Variants in SGCD observed in about 807,000 individuals in gnomAD.
SGCD encodes delta-sarcoglycan.
SGCD carries 18 observed loss-of-function variants against 36.6 expected under a neutral mutation model. The ratio of observed to expected loss-of-function variants is 0.49; its 90% CI spans 0.34 to 0.73. The LOEUF is 0.73. Ranked by LOEUF, SGCD falls within the 30% of genes least tolerant of loss-of-function variation. The pLI, the probability that SGCD is intolerant of heterozygous loss-of-function variation, is 0.01. For synonymous variants in SGCD, 133 were observed against 130.6 expected (o/e 1.02, Z -0.12); for missense variants, 387 against 346.7 (o/e 1.12, Z -0.92).
At chr5:156,498,269 A>AAAAC (rs1485522850) in intron 3 of SGCD, among the ~76,000 whole-genome samples, 1 of 152,018 alleles carries the variant, frequency 6.6e-6, no homozygotes, top group African/African-American at 2.4e-5. Context: ...TTACAAAAAA[A>AAAAC]AAAAAAAAAC....
At chr5:156,648,337 T>C (rs1256679034) in intron 7 of SGCD, among the ~76,000 whole-genome samples, 1 of 151,664 alleles carries the variant, frequency 6.6e-6, no homozygotes, top group Non-Finnish European at 1.5e-5. Context: ...ACTGAATAAC[T>C]GTTTCATGAT....
intron 3 of SGCD, among the ~76,000 whole-genome samples, chr5:156,442,441 A>G (rs963423255): frequency 1.3e-5 from 2 of 152,216 alleles, no homozygotes; most frequent in Non-Finnish European, 2.9e-5. Flanking sequence ...TGTAGAGTTA[A>G]AAAATTCTGT....
Position 156,728,321 on chromosome 5 carries a change from T to A in SGCD, c.576-29260T>A, listed in dbSNP as rs577181893. Among the ~76,000 whole-genome samples, 3 of 152,116 alleles carry A rather than the reference T, an allele frequency of 2.0e-5. No homozygotes were observed. In the East Asian group the frequency reaches 5.8e-4, roughly 29 times the overall value. On this transcript the variant is annotated intron_variant, in intron 7 of 8. Transcript: ENST00000337851. ...AGTTACTGCATGAGGTAGAGCAACCTGGCCAACATGGCAAAATCCCGTCTC... is the reference window on the plus strand; with the variant it reads ...AGTTACTGCATGAGGTAGAGCAACCAGGCCAACATGGCAAAATCCCGTCTC...
chr5:155,739,429 T>C, the SGCD span, among the ~76,000 whole-genome samples: 6 of 152,314 alleles, frequency 3.9e-5, no homozygotes, highest in East Asian at 1.2e-3. Context: ...AGGGGAGGGC[T>C]GTTGATTCCT....
intron 1 of SGCD, among the ~76,000 whole-genome samples, chr5:155,875,483 T>G (rs956444864): frequency 2.0e-5 from 3 of 152,152 alleles, no homozygotes; most frequent in African/African-American, 7.2e-5. Context: ...TTTGGGGAAC[T>G]TACATCAAAC....
chr5:156,061,958 T>A (rs558715195), intron 1 of SGCD, among the ~76,000 whole-genome samples: 1 of 107,274 alleles, frequency 9.3e-6, no homozygotes, highest in East Asian at 2.1e-4. Context: ...ATACTCTAAG[T>A]TTTAGGGTAC....
At chr5:156,290,395 C>A (rs1254252220) in intron 3 of SGCD, among the ~76,000 whole-genome samples, 1 of 152,064 alleles carries the variant, frequency 6.6e-6, no homozygotes, top group Non-Finnish European at 1.5e-5. Flanking sequence ...TCCCTAGTAT[C>A]TTTTTCAAGA....
intron 1 of SGCD, among the ~76,000 whole-genome samples, chr5:156,081,455 C>T (rs138975074): frequency 3.7e-3 from 563 of 152,210 alleles, no homozygotes; most frequent in Admixed American, 5.2e-3. Flanking sequence ...TGCAGTGGCA[C>T]GATCATAGTT....
intron 5 of SGCD, among the ~76,000 whole-genome samples, chr5:156,594,547 T>A (rs562965640): frequency 1.3e-5 from 2 of 152,290 alleles, no homozygotes; most frequent in East Asian, 3.9e-4. Context: ...GCCAAAGATA[T>A]GTGATTGTCT....
chr5:156,567,628 G>T (rs1759549275), intron 4 of SGCD, among the ~76,000 whole-genome samples: 1 of 152,126 alleles, frequency 6.6e-6, no homozygotes, highest in African/African-American at 2.4e-5. Flanking sequence ...CCATATTATG[G>T]AGAGCAATCT....
chr5:156,244,691 G>T (rs1197768513), intron 3 of SGCD, among the ~76,000 whole-genome samples: 1 of 152,108 alleles, frequency 6.6e-6, no homozygotes, highest in Admixed American at 6.6e-5. Context: ...GAATCACTTG[G>T]GAAGATTTTA....
intron 7 of SGCD, among the ~76,000 whole-genome samples, chr5:156,692,968 C>A (rs1217089414): frequency 6.6e-6 from 1 of 152,152 alleles, no homozygotes; most frequent in Non-Finnish European, 1.5e-5. Context: ...AGCACAGTCA[C>A]CTCCTTTTAT....
chr5:156,201,423 C>T (rs1015692302), intron 3 of SGCD, among the ~76,000 whole-genome samples: 1 of 152,160 alleles, frequency 6.6e-6, no homozygotes, highest in African/African-American at 2.4e-5. Flanking sequence ...TGACATCTTT[C>T]TTCACTCCCA....
chr5:156,608,555 C>T (rs1323764026), intron 6 of SGCD, among the ~76,000 whole-genome samples: 3 of 152,030 alleles, frequency 2.0e-5, no homozygotes, highest in East Asian at 3.9e-4. Flanking sequence ...AGATGTCTAT[C>T]AGGTCTGCTT....
At chr5:155,904,951 T>C (rs868377470) in intron 1 of SGCD, among the ~76,000 whole-genome samples, 2 of 152,196 alleles carry the variant, frequency 1.3e-5, no homozygotes, top group Non-Finnish European at 1.5e-5. Context: ...AGTCTCCGTT[T>C]CTTCTTCTAT....
rs749139391 is a variant in SGCD at position 156,764,857 on chromosome 5, G to C, written c.*5467G>C. ...ACTGCTGCTCCTCAACTTCAGCCCA[G>C]CAAGCAGTAATATCATCACCCATTT... On this transcript the variant is annotated 3_prime_UTR_variant, in exon 9 of 9. Transcript: ENST00000337851. 16 of 152,202 alleles carry C rather than the reference G, an allele frequency of 1.1e-4. No homozygotes were observed. The highest frequency in any genetic ancestry group is 1.8e-4 in the Non-Finnish European group (12 of 68,046). 9.4% of individuals were successfully genotyped at this position (152,202 alleles called of 1,614,324 possible).
At chr5:156,604,314 T>C (rs1208748818) in intron 6 of SGCD, among the ~76,000 whole-genome samples, 4 of 152,050 alleles carry the variant, frequency 2.6e-5, no homozygotes, top group Non-Finnish European at 5.9e-5. Context: ...AGGCAGAATA[T>C]AATGGGGTCT....
the SGCD span, among the ~76,000 whole-genome samples, chr5:155,735,877 C>T: frequency 6.6e-6 from 1 of 151,898 alleles, no homozygotes; most frequent in Admixed American, 6.6e-5. Flanking sequence ...GTAGGATCCT[C>T]CTTTGATGTT....
chr5:156,163,252 A>G (rs1035177898), intron 3 of SGCD, among the ~76,000 whole-genome samples: 2 of 151,704 alleles, frequency 1.3e-5, no homozygotes, highest in East Asian at 3.9e-4. Context: ...TAGTTAAGAT[A>G]TTCATATCAA....
Sources: gnomAD v4.1 joint callset for allele counts (sites outside exome capture counted in the v4.1 genomes callset) on GRCh38, gnomAD v4.1.1 for gene constraint, MANE v1.5 for transcripts, NCBI Gene and HGNC (gene_info 2026-07-23, HGNC 2026-07-21) for gene names.